ENTREP2: variants seen among roughly 807,000 people sequenced by gnomAD.
ENTREP2 encodes the protein endosomal transmembrane epsin interactor 2, also known as protein ENTREP2.
the ENTREP2 span, among the ~76,000 whole-genome samples, chr15:29,337,308 T>C: frequency 6.6e-6 from 1 of 152,096 alleles, no homozygotes; most frequent in African/African-American, 2.4e-5. Flanking sequence ...AGCCTACCTA[T>C]GGATCTGTGT....
the ENTREP2 span, among the ~76,000 whole-genome samples, chr15:29,171,443 T>A: frequency 1.3e-5 from 2 of 152,150 alleles, no homozygotes; most frequent in African/African-American, 4.8e-5. Context: ...CCCTGTGCAT[T>A]CCAGGATGTA....
At chr15:29,156,940 T>TA in the ENTREP2 span, among the ~76,000 whole-genome samples, 40 of 151,644 alleles carry the variant, frequency 2.6e-4, no homozygotes, top group Non-Finnish European at 4.4e-4. Context: ...ACTAAAAATA[T>TA]AAAAAAATTA....
the ENTREP2 span, among the ~76,000 whole-genome samples, chr15:29,431,063 G>A: frequency 6.6e-6 from 1 of 152,110 alleles, no homozygotes; most frequent in Non-Finnish European, 1.5e-5. Flanking sequence ...GCACACTGCG[G>A]GCCCAAACTG....
chr15:29,597,967 C>T, the ENTREP2 span, among the ~76,000 whole-genome samples: 1 of 151,976 alleles, frequency 6.6e-6, no homozygotes, highest in Non-Finnish European at 1.5e-5. Context: ...CCAAAATATA[C>T]AAAGATTAGC....
At chr15:29,592,756 TG>T in the ENTREP2 span, among the ~76,000 whole-genome samples, 2 of 152,130 alleles carry the variant, frequency 1.3e-5, no homozygotes, top group Non-Finnish European at 2.9e-5. Context: ...AATAGATTAA[TG>T]CTGTCCCTGG....
chr15:29,517,162 C>T, the ENTREP2 span, among the ~76,000 whole-genome samples: 7 of 152,000 alleles, frequency 4.6e-5, no homozygotes, highest in East Asian at 1.9e-4. Flanking sequence ...GGGGGAGCAG[C>T]GGAGAGCAAA....
At chr15:29,496,310 T>A in the ENTREP2 span, among the ~76,000 whole-genome samples, 998 of 152,022 alleles carry the variant, frequency 6.6e-3, 5 homozygotes, top group African/African-American at 0.023. Context: ...TCTTTAGGAA[T>A]TTCTATTACA....
chr15:29,389,345 T>G, the ENTREP2 span, among the ~76,000 whole-genome samples: 1 of 152,180 alleles, frequency 6.6e-6, no homozygotes, highest in Non-Finnish European at 1.5e-5. Context: ...AGTGGGACAC[T>G]GGATTGTTGT....
At chr15:29,648,491 A>G in the ENTREP2 span, among the ~76,000 whole-genome samples, 3 of 152,094 alleles carry the variant, frequency 2.0e-5, no homozygotes, top group Non-Finnish European at 4.4e-5. Flanking sequence ...TGCTTCCACC[A>G]CCTGAAGAAG....
the ENTREP2 span, among the ~76,000 whole-genome samples, chr15:29,127,422 T>G: frequency 3.3e-5 from 5 of 152,162 alleles, no homozygotes; most frequent in African/African-American, 1.2e-4. Context: ...CTGCCATCCC[T>G]TTCTGTTTTT....
the ENTREP2 span, among the ~76,000 whole-genome samples, chr15:29,529,597 T>A: frequency 1.3e-5 from 2 of 152,004 alleles, no homozygotes; most frequent in Non-Finnish European, 2.9e-5. Flanking sequence ...CATTACCACC[T>A]GCAGGAATCA....
the ENTREP2 span, among the ~76,000 whole-genome samples, chr15:29,642,395 G>A: frequency 1.5e-4 from 23 of 150,892 alleles, no homozygotes; most frequent in Non-Finnish European, 2.4e-4. Flanking sequence ...AGGGGGGAGA[G>A]AATAATCTTT....
chr15:29,547,119 G>C, the ENTREP2 span, among the ~76,000 whole-genome samples: 1 of 145,874 alleles, frequency 6.9e-6, no homozygotes, highest in African/African-American at 2.5e-5. Context: ...ATGGAGTCTC[G>C]CTCTGTCACC....
chr15:29,659,753 G>C, the ENTREP2 span, among the ~76,000 whole-genome samples: 1 of 151,586 alleles, frequency 6.6e-6, no homozygotes, highest in East Asian at 1.9e-4. Flanking sequence ...GTAAGTAGCT[G>C]TTCATTTTTA....
At chr15:29,175,379 G>A in the ENTREP2 span, among the ~76,000 whole-genome samples, 2 of 152,184 alleles carry the variant, frequency 1.3e-5, no homozygotes, top group Non-Finnish European at 2.9e-5. Flanking sequence ...TATCATACAC[G>A]ATTAATCATC....
At chr15:29,463,446 G>A in the ENTREP2 span, among the ~76,000 whole-genome samples, 1 of 152,144 alleles carries the variant, frequency 6.6e-6, no homozygotes, top group Non-Finnish European at 1.5e-5. Context: ...ATTATACAAT[G>A]TATTAAAAAA....
At chr15:29,389,809 T>G in the ENTREP2 span, among the ~76,000 whole-genome samples, 1 of 151,576 alleles carries the variant, frequency 6.6e-6, no homozygotes. Flanking sequence ...CATTATTTGT[T>G]TATTTGTTTC....
chr15:29,126,334 C>T, the ENTREP2 span: 2 of 1,528,702 alleles, frequency 1.3e-6, no homozygotes, highest in Non-Finnish European at 1.8e-6. Context: ...GACCTGGCTG[C>T]ACCTGTGAGC....
At chr15:29,421,482 G>GTTC in the ENTREP2 span, among the ~76,000 whole-genome samples, 1 of 152,150 alleles carries the variant, frequency 6.6e-6, no homozygotes, top group Non-Finnish European at 1.5e-5. Flanking sequence ...GTAAGTCCCA[G>GTTC]GGAAAAAAGC....
Sources: allele counts gnomAD v4.1 joint callset (sites outside exome capture counted in the v4.1 genomes callset), GRCh38; gene constraint gnomAD v4.1.1; transcripts MANE v1.5; gene names NCBI Gene and HGNC (gene_info 2026-07-23, HGNC 2026-07-21).